IGFBP2: variants seen among roughly 807,000 people sequenced by gnomAD.
The protein encoded by IGFBP2 is insulin like growth factor binding protein 2, also known as insulin-like growth factor-binding protein 2.
IGFBP2 carries 12 observed loss-of-function variants against 26.2 expected under a neutral mutation model. The ratio of observed to expected loss-of-function variants is 0.46; its 90% confidence interval spans 0.29 to 0.74. The LOEUF (loss-of-function observed/expected upper bound fraction) is 0.74. Ranked by LOEUF, IGFBP2 falls within the 30% of genes least tolerant of loss-of-function variation. IGFBP2 has a pLI of 0.09. For missense variants in IGFBP2, 328 were observed against 441.2 expected, an observed-to-expected ratio of 0.74 and a Z score of 2.30; for synonymous variants, 189 against 200.6, an observed-to-expected ratio of 0.94 and a Z score of 0.49.
intron 1 of IGFBP2, among the ~76,000 whole-genome samples, chr2:216,635,980 G>A (rs1194782621): frequency 6.6e-6 from 1 of 152,034 alleles, no homozygotes; most frequent in East Asian, 1.9e-4. Context: ...AAGCTGAGTG[G>A]GTGCACTCAA....
At position 216,640,385 on chromosome 2, in the gene IGFBP2, G is replaced by A. The variant is rs375990948; in HGVS notation, c.442+6420G>A. On this transcript the variant is annotated intron_variant, in intron 1 of 3. Coordinates refer to ENST00000233809, the MANE Select transcript of IGFBP2 (RefSeq NM_000597.3). ...CTTCTGCTGAAACCAAGGCATAGAA[G>A]CGGGAGATGATGTTTGAATTCATGA... 1.1e-4 allele frequency among the ~76,000 whole-genome samples: 17 copies of A among 152,306 alleles called. No homozygotes were observed. In the East Asian group the frequency reaches 3.1e-3, roughly 28 times the overall value.
intron 1 of IGFBP2, among the ~76,000 whole-genome samples, chr2:216,634,985 G>A (rs764688837): frequency 9.4e-5 from 14 of 149,532 alleles, no homozygotes; most frequent in South Asian, 2.1e-4. Context: ...GTGGTGAAAT[G>A]TGTCCACTGC....
chr2:216,650,132 A>G (rs1364958861), intron 1 of IGFBP2, among the ~76,000 whole-genome samples: 1 of 152,208 alleles, frequency 6.6e-6, no homozygotes, highest in Non-Finnish European at 1.5e-5. Context: ...AGAGCTTGAG[A>G]GGAGAGGTAT....
At chr2:216,659,471 G>T (rs553669077) in intron 1 of IGFBP2, 1 of 536,528 alleles carries the variant, frequency 1.9e-6, no homozygotes, top group Non-Finnish European at 3.4e-6. Context: ...GCTGTTTGCC[G>T]TGTCTCCAAG....
chr2:216,634,559 G>A (rs1240942823), intron 1 of IGFBP2, among the ~76,000 whole-genome samples: 1 of 152,214 alleles, frequency 6.6e-6, no homozygotes, highest in African/African-American at 2.4e-5. Flanking sequence ...TTCTCCATAG[G>A]GAACGAGCAG....
intron 1 of IGFBP2, among the ~76,000 whole-genome samples, chr2:216,637,209 C>T (rs1054944621): frequency 2.0e-5 from 3 of 152,200 alleles, no homozygotes; most frequent in African/African-American, 7.2e-5. Context: ...CCCCTCCCCC[C>T]ATCTGGACAG....
At chr2:216,632,906 T>C (rs973514643), upstream of IGFBP2, 3 of 152,084 alleles carry the variant, frequency 2.0e-5, no homozygotes, top group Non-Finnish European at 2.9e-5. Flanking sequence ...GGTCTGAAAC[T>C]CCGCAGGACC....
intron 1 of IGFBP2, among the ~76,000 whole-genome samples, chr2:216,655,119 C>T (rs1271051296): frequency 6.6e-6 from 1 of 152,180 alleles, no homozygotes; most frequent in East Asian, 1.9e-4. Flanking sequence ...ATGATCATGG[C>T]TCACTGCAGC....
chr2:216,662,431 C>G (rs1688677004), intron 3 of IGFBP2: 2 of 173,258 alleles, frequency 1.2e-5, no homozygotes, highest in Admixed American at 5.6e-5. Context: ...CTCCCACCAT[C>G]ATTGATTTCA....
At chr2:216,645,535 A>G (rs917401123) in intron 1 of IGFBP2, among the ~76,000 whole-genome samples, 1 of 152,210 alleles carries the variant, frequency 6.6e-6, no homozygotes, top group African/African-American at 2.4e-5. Flanking sequence ...GGGATAAGAA[A>G]TTACCAACCT....
At chr2:216,657,103 G>T (rs1160935669) in intron 1 of IGFBP2, among the ~76,000 whole-genome samples, 1 of 152,146 alleles carries the variant, frequency 6.6e-6, no homozygotes, top group Non-Finnish European at 1.5e-5. Flanking sequence ...GAGTCAAAGG[G>T]CTCTTCTCTA....
chr2:216,659,546 C>T, intron 1 of IGFBP2: 1 of 616,272 alleles, frequency 1.6e-6, no homozygotes, highest in South Asian at 1.8e-5. Flanking sequence ...GGCTTGTCTC[C>T]TGGTTACAGC....
intron 1 of IGFBP2, among the ~76,000 whole-genome samples, chr2:216,658,894 A>G (rs1405721957): frequency 6.6e-6 from 1 of 152,196 alleles, no homozygotes; most frequent in African/African-American, 2.4e-5. Flanking sequence ...TACTCTCAAC[A>G]GCTCTATGAA....
intron 1 of IGFBP2, chr2:216,659,699 C>T: frequency 2.0e-6 from 3 of 1,534,458 alleles, no homozygotes; most frequent in South Asian, 2.4e-5. Flanking sequence ...TATAAGGAGA[C>T]TTAATGGACG....
chr2:216,638,887 A>AGACG (rs1327903043), intron 1 of IGFBP2, among the ~76,000 whole-genome samples: 2 of 150,662 alleles, frequency 1.3e-5, no homozygotes, highest in Admixed American at 6.6e-5. Flanking sequence ...TTTTTAGTAG[A>AGACG]GACGGGGTTT....
intron 1 of IGFBP2, among the ~76,000 whole-genome samples, chr2:216,645,566 A>G (rs995570406): frequency 6.6e-6 from 1 of 152,352 alleles, no homozygotes; most frequent in East Asian, 1.9e-4. Flanking sequence ...CTTGATAACA[A>G]AGGTAAACAT....
rs539735495 is a variant in IGFBP2, at chr2:216,641,665, C to T, written c.442+7700C>T. 3.4e-4 allele frequency among the ~76,000 whole-genome samples: 51 copies of T among 149,890 alleles called. No individual in the cohort carries two copies. In the South Asian group the frequency reaches 0.01, roughly 30 times the overall value. ...GTGCATTATAAATGCAGTGCATAAA[C>T]GGTTGGAGACCATCGGGCTTGCATT... On this transcript the variant is annotated intron_variant, in intron 1 of 3. Coordinates refer to ENST00000233809, the MANE Select transcript of IGFBP2 (RefSeq NM_000597.3).
chr2:216,646,159 A>T (rs1280316590), intron 1 of IGFBP2, among the ~76,000 whole-genome samples: 1 of 152,200 alleles, frequency 6.6e-6, no homozygotes, highest in Admixed American at 6.5e-5. Context: ...TTCTTTTTGC[A>T]TCCTGTGGGT....
At chr2:216,650,493 C>G (rs530697871) in intron 1 of IGFBP2, among the ~76,000 whole-genome samples, 1 of 152,192 alleles carries the variant, frequency 6.6e-6, no homozygotes, top group Non-Finnish European at 1.5e-5. Flanking sequence ...GGGGATTCAT[C>G]GGCCAGGTGG....
Sources: allele counts gnomAD v4.1 joint callset (sites outside exome capture counted in the v4.1 genomes callset), GRCh38; gene constraint gnomAD v4.1.1; transcripts MANE v1.5; gene names NCBI Gene and HGNC (gene_info 2026-07-23, HGNC 2026-07-21).